Variants in STAT4 observed in about 807,000 individuals in gnomAD.
The protein encoded by STAT4 is signal transducer and activator of transcription 4.
In STAT4, 42 loss-of-function variants were observed where a neutral mutation model predicts 110.5. The ratio of observed to expected loss-of-function variants is 0.38; its 90% confidence interval spans 0.30 to 0.49. The LOEUF is 0.49. Among genes scored for constraint, STAT4 ranks in the 20% least tolerant of loss-of-function variants. The probability of loss-of-function intolerance (pLI) is 0.95; values close to 1 mark genes in which losing one functional copy is unlikely to be tolerated. For synonymous variants in STAT4, 284 were observed against 302.2 expected (o/e 0.94, Z 0.63); for missense variants, 632 against 887.9 (o/e 0.71, Z 3.66).
rs1359718614 is a variant in STAT4, at chr2:191,113,495, T to C, written c.273+33118A>G. ...AGAATGAAACAGCATTGGATATAAA[T>C]ATGCTCAGAAACTTATACAAGGTAG... On this transcript the variant is annotated intron_variant, in intron 3 of 23. Transcript: ENST00000392320. The surrounding 1 kb of genome is among the most constrained non-coding windows in gnomAD (Gnocchi z 4.8). Among the ~76,000 whole-genome samples the C allele has an allele frequency of 6.6e-6, 1 of 152,198 alleles. No homozygotes were observed. Among genetic ancestry groups the C allele is most frequent in the Non-Finnish European group, 1.5e-5 (1 of 68,038 alleles).
intron 14 of STAT4, 134 bp from the exon 15 acceptor site, chr2:191,041,282 G>A: frequency 3.0e-6 from 1 of 333,972 alleles, no homozygotes; most frequent in African/African-American, 2.2e-5. Context: ...CTCTATTATT[G>A]AACATTCCCT....
At chr2:191,137,764 G>A (rs1030597969) in intron 3 of STAT4, among the ~76,000 whole-genome samples, 7 of 152,006 alleles carry the variant, frequency 4.6e-5, no homozygotes, top group African/African-American at 1.7e-4. Context: ...ACCTACACTC[G>A]GGCAAAAACA....
At chr2:191,097,062 A>G (rs1339884022) in intron 3 of STAT4, among the ~76,000 whole-genome samples, 2 of 152,218 alleles carry the variant, frequency 1.3e-5, no homozygotes, top group African/African-American at 2.4e-5. Context: ...CCAACTTACA[A>G]GGGATGTGAA....
chr2:191,039,301 GT>G lies in STAT4; in HGVS notation c.1336-5del, dbSNP rs770056176. On this transcript the variant is annotated splice_region_variant and splice_polypyrimidine_tract_variant and intron_variant, in intron 15 of 23. Coordinates refer to ENST00000392320, the MANE Select transcript of STAT4 (RefSeq NM_003151.4). This position sits in a 1 kb window ranked among gnomAD's most constrained non-coding sequence, Gnocchi z 4.7. ...TCACCACAGGCAATGAGCTGGTCTGGTTTGGGGGGAAAAAAGCATAGTTATT... is the reference window on the plus strand; with the variant it reads ...TCACCACAGGCAATGAGCTGGTCTGGTTGGGGGGAAAAAAGCATAGTTATT... 1.2e-5 allele frequency: 19 copies of G among 1,613,806 alleles called. No individual in the cohort carries two copies. In the Admixed American group the frequency reaches 1.8e-4, roughly 16 times the overall value.
Position 191,107,843 on chromosome 2 carries a change from A to G in STAT4, c.274-31518T>C, listed in dbSNP as rs1444847023. Among the ~76,000 whole-genome samples the G allele has an allele frequency of 1.3e-5, 2 of 152,194 alleles. No homozygotes were observed. The highest frequency in any genetic ancestry group is 2.4e-5 in the African/African-American group (1 of 41,442). The stretch of plus-strand genomic sequence containing the variant: ...TTTTCAGCAAGTATTTATTATGTGA[A>G]GAAGTCCTAACATTTCTATAGGATG... On this transcript the variant is annotated intron_variant, in intron 3 of 23. Coordinates refer to ENST00000392320, the MANE Select transcript of STAT4 (RefSeq NM_003151.4). This position sits in a 1 kb window ranked among gnomAD's most constrained non-coding sequence, Gnocchi z 4.2.
Position 191,140,553 on chromosome 2 carries a change from T to G in STAT4, c.273+6060A>C, listed in dbSNP as rs556367401. On this transcript the variant is annotated intron_variant, in intron 3 of 23. Transcript: ENST00000392320. This position sits in a 1 kb window ranked among gnomAD's most constrained non-coding sequence, Gnocchi z 4.4. ...AAACCACAATGAGATACCACCTTAC[T>G]CCTGCGAGAATGGCCATAATGAAAA... 1.1e-3 allele frequency among the ~76,000 whole-genome samples: 163 copies of G among 152,222 alleles called. No individual in the cohort carries two copies. The highest frequency in any genetic ancestry group is 1.7e-3 in the South Asian group (8 of 4,826).
At chr2:191,034,226 T>G (rs1357206635) in intron 18 of STAT4, among the ~76,000 whole-genome samples, 1 of 151,996 alleles carries the variant, frequency 6.6e-6, no homozygotes, top group Admixed American at 6.6e-5. Flanking sequence ...ATTGAGACCA[T>G]CCTGACTAAC....
intron 3 of STAT4, among the ~76,000 whole-genome samples, chr2:191,124,138 G>A (rs1049028789): frequency 6.6e-6 from 1 of 152,098 alleles, no homozygotes; most frequent in Admixed American, 6.6e-5. Flanking sequence ...TATTTTCAAT[G>A]TTAACTCAAC....
chr2:191,133,535 G>T (rs1699099807), intron 3 of STAT4, among the ~76,000 whole-genome samples: 1 of 151,634 alleles, frequency 6.6e-6, no homozygotes, highest in African/African-American at 2.4e-5. Context: ...ACATGTATAA[G>T]GGGATGTCTG....
intron 3 of STAT4, among the ~76,000 whole-genome samples, chr2:191,125,672 T>G (rs1457713930): frequency 6.6e-6 from 1 of 151,792 alleles, no homozygotes; most frequent in East Asian, 1.9e-4. Context: ...TTTGTAGAGA[T>G]AGGGTCTCAC....
In STAT4 at chr2:191,061,765, A is replaced by G. The variant is rs1696856536; in HGVS notation, c.998T>C (p.Val333Ala). 2.5e-6 allele frequency: 4 copies of G among 1,613,614 alleles called. No homozygotes were observed. The highest frequency in any genetic ancestry group is 3.4e-6 in the Non-Finnish European group (4 of 1,179,838). ...CMPTHPQRPL[V>A]LKTLIQFTVK... ...AGTGAACTGAATTAGGGTTTTAAGT[A>G]CCAACGGCCTCTGAGGGTGGGTTGG... The change falls in exon 10 of 24, where the codon GTA becomes GCA. Residue 333 changes from valine to alanine, a missense_variant. Val to Ala is a moderately conservative substitution (Grantham distance 64). This residue lies in a region of STAT4 where 488 missense variants were observed against 632.8 expected (regional missense o/e 0.77). Coordinates refer to ENST00000392320, the MANE Select transcript of STAT4 (RefSeq NM_003151.4). This position sits in a 1 kb window ranked among gnomAD's most constrained non-coding sequence, Gnocchi z 6.2.
intron 3 of STAT4, among the ~76,000 whole-genome samples, chr2:191,092,534 T>C (rs1188155496): frequency 1.3e-5 from 2 of 152,082 alleles, no homozygotes; most frequent in African/African-American, 4.8e-5. Flanking sequence ...AAAAGAATTC[T>C]AAGTAGATTT....
intron 3 of STAT4, among the ~76,000 whole-genome samples, chr2:191,100,132 G>A (rs1293860454): frequency 1.3e-5 from 2 of 152,002 alleles, no homozygotes; most frequent in Non-Finnish European, 2.9e-5. Context: ...AGCAAGAAGT[G>A]GAAAAATTAT....
chr2:191,039,294 T>C lies in STAT4; in HGVS notation c.1339A>G (p.Ser447Gly). The change falls in exon 16 of 24, where the codon AGC becomes GGC. Residue 447 changes from serine (S) to glycine (G), a missense_variant. Around this residue, in one of 4 missense-constraint regions of STAT4, gnomAD observed 488 missense variants for 632.8 expected, o/e 0.77. Transcript: ENST00000392320. This position sits in a 1 kb window ranked among gnomAD's most constrained non-coding sequence, Gnocchi z 4.7. Reference sequence around the variant, plus strand: ...GAAATCATCACCACAGGCAATGAGCTGGTCTGGTTTGGGGGGAAAAAAGCA... The same window carrying C: ...GAAATCATCACCACAGGCAATGAGCCGGTCTGGTTTGGGGGGAAAAAAGCA... ...LYGLTIDLET[S>G]SLPVVMISNV... is the part of the protein sequence containing the mutation. The C allele has an allele frequency of 1.2e-6, 2 of 1,614,124 alleles. No individual in the cohort carries two copies. Among genetic ancestry groups the C allele is most frequent in the Non-Finnish European group, 1.7e-6 (2 of 1,179,958 alleles).
intron 15 of STAT4, among the ~76,000 whole-genome samples, chr2:191,040,701 A>G (rs1281842513): frequency 1.3e-5 from 2 of 152,106 alleles, no homozygotes; most frequent in East Asian, 3.9e-4. Context: ...AGCTGGGACT[A>G]CAGGCACATG....
chr2:191,051,638 T>C lies in STAT4; in HGVS notation c.1251+2852A>G, dbSNP rs187835027. The stretch of plus-strand genomic sequence containing the variant: ...AAATTATGGTGTGAGACAGACATGA[T>C]TTCGGAGCAGGTGGGTGAGGTGCAG... On this transcript the variant is annotated intron_variant, in intron 14 of 23. Transcript: ENST00000392320. The surrounding 1 kb of genome is among the most constrained non-coding windows in gnomAD (Gnocchi z 5.6). Among the ~76,000 whole-genome samples the C allele has an allele frequency of 1.4e-3, 207 of 152,330 alleles. No individual in the cohort carries two copies. Among genetic ancestry groups the C allele is most frequent in the African/African-American group, 4.6e-3 (191 of 41,564 alleles).
chr2:191,067,092 C>T (rs1482028570), intron 6 of STAT4, among the ~76,000 whole-genome samples: 2 of 148,368 alleles, frequency 1.3e-5, no homozygotes, highest in African/African-American at 2.5e-5. Flanking sequence ...CTCGCCTCAT[C>T]GTAAAACTAG....
chr2:191,055,192 ATTTTTCTTT>A (rs983031435), intron 13 of STAT4, among the ~76,000 whole-genome samples: 7 of 151,396 alleles, frequency 4.6e-5, no homozygotes, highest in Non-Finnish European at 7.4e-5. Flanking sequence ...AATTTTTAAA[ATTTTTCTTT>A]TTTTTCTTTT....
At chr2:191,106,239 T>C (rs1698276327) in intron 3 of STAT4, among the ~76,000 whole-genome samples, 1 of 152,220 alleles carries the variant, frequency 6.6e-6, no homozygotes. Flanking sequence ...GGATCTCATT[T>C]GTGCTTTTGT....
Sources: gnomAD v4.1 joint callset for allele counts (sites outside exome capture counted in the v4.1 genomes callset) on GRCh38, gnomAD v4.1.1 for gene constraint, gnomAD v4.1.1 regional missense constraint, Gnocchi (gnomAD v3.1) non-coding constraint, MANE v1.5 for transcripts, NCBI Gene and HGNC (gene_info 2026-07-23, HGNC 2026-07-21) for gene names.